MTREX: variants seen among roughly 807,000 people sequenced by gnomAD.
MTREX encodes the protein Mtr4 exosome RNA helicase.
A neutral mutation model predicts 135.4 loss-of-function variants in MTREX; 76 were observed. The ratio of observed to expected loss-of-function variants is 0.56; its 90% CI spans 0.47 to 0.68. The LOEUF is 0.68. MTREX is among the 30% of genes least tolerant of loss of function. The pLI is 0.00. For missense variants in MTREX, 920 were observed against 1,262.1 expected (o/e 0.73, Z 4.11); for synonymous variants, 404 against 401.6 (o/e 1.01, Z -0.07).
At chr5:55,324,378 C>A in intron 3 of MTREX, 180 bp downstream of exon 3, 1 of 351,724 alleles carries the variant, frequency 2.8e-6, no homozygotes. Flanking sequence ...AGATCCTCCC[C>A]CAGCATTTTT....
intron 1 of MTREX, among the ~76,000 whole-genome samples, chr5:55,308,560 G>A (rs971736516): frequency 1.8e-4 from 27 of 152,274 alleles, no homozygotes; most frequent in African/African-American, 6.5e-4. Flanking sequence ...AGAAGGGAGA[G>A]ACATTTAATC....
intron 1 of MTREX, among the ~76,000 whole-genome samples, chr5:55,315,071 C>T (rs747294016): frequency 1.3e-5 from 2 of 152,186 alleles, no homozygotes; most frequent in Non-Finnish European, 2.9e-5. Flanking sequence ...TAATCTGTTA[C>T]AGCAGCAATA....
At chr5:55,308,861 A>C (rs1749039603) in intron 1 of MTREX, among the ~76,000 whole-genome samples, 2 of 152,222 alleles carry the variant, frequency 1.3e-5, no homozygotes, top group South Asian at 4.1e-4. Flanking sequence ...ATTAATTAAC[A>C]ATCAACAAAA....
chr5:55,413,201 T>C (rs1291954487), intron 23 of MTREX, among the ~76,000 whole-genome samples: 1 of 151,818 alleles, frequency 6.6e-6, no homozygotes, highest in African/African-American at 2.4e-5. Context: ...TAGCTGGGCG[T>C]GGTGGCACTC....
chr5:55,400,251 C>G lies in MTREX; in HGVS notation c.2311C>G (p.Pro771Ala). 6.4e-7 allele frequency: 1 copy of G among 1,562,600 alleles called. No individual in the cohort carries two copies. Among genetic ancestry groups the G allele is most frequent in the Non-Finnish European group, 8.7e-7 (1 of 1,154,688 alleles). Residue 771 changes from proline to alanine, a missense_variant, in exon 21 of 27, where the codon CCT becomes GCT. Around this residue, in one of 6 missense-constraint regions of MTREX, gnomAD observed 467 missense variants for 589.7 expected, o/e 0.79. Transcript: ENST00000230640. ...KSIQEVQKRF[P>A]DGIPLLDPID... Reference sequence around the variant, plus strand: ...TTTTCAGGAAGTTCAGAAACGTTTTCCTGACGGCATCCCCTTATTAGACCC... The same window carrying G: ...TTTTCAGGAAGTTCAGAAACGTTTTGCTGACGGCATCCCCTTATTAGACCC...
chr5:55,396,748 G>T (rs1331285819), intron 19 of MTREX, among the ~76,000 whole-genome samples: 1 of 152,204 alleles, frequency 6.6e-6, no homozygotes, highest in East Asian at 1.9e-4. Flanking sequence ...CAGCAAGCCA[G>T]TGAAAATTGT....
At chr5:55,377,433 T>G (rs1750324112) in intron 16 of MTREX, among the ~76,000 whole-genome samples, 2 of 152,228 alleles carry the variant, frequency 1.3e-5, no homozygotes, top group African/African-American at 2.4e-5. Flanking sequence ...AGTTATATCC[T>G]AGTTCAATTA....
intron 25 of MTREX, among the ~76,000 whole-genome samples, chr5:55,422,281 A>G (rs1751067087): frequency 6.6e-6 from 1 of 152,214 alleles, no homozygotes; most frequent in African/African-American, 2.4e-5. Flanking sequence ...CCATGGGAAA[A>G]GGCTTCTTTC....
In MTREX at chr5:55,375,957, T is replaced by C. The variant is rs866753350; in HGVS notation, c.1811-2357T>C. On this transcript the variant is annotated intron_variant, in intron 16 of 26. Transcript: ENST00000230640. ...AATGTGCCATGGCGATGAAGCCTTG[T>C]TCGTTCTCTCGATTTTGACACAGGA... 5.3e-5 allele frequency among the ~76,000 whole-genome samples: 8 copies of C among 152,214 alleles called. No homozygotes were observed. In the South Asian group the frequency reaches 1.7e-3, roughly 32 times the overall value.
At chr5:55,328,263 A>T (rs1437087833) in intron 4 of MTREX, among the ~76,000 whole-genome samples, 1 of 152,184 alleles carries the variant, frequency 6.6e-6, no homozygotes, top group East Asian at 1.9e-4. Context: ...AATAGATGTA[A>T]TATTCTGCCT....
intron 7 of MTREX, among the ~76,000 whole-genome samples, chr5:55,343,123 T>A (rs1749678100): frequency 6.6e-6 from 1 of 152,208 alleles, no homozygotes; most frequent in Non-Finnish European, 1.5e-5. Flanking sequence ...TCAGAGTACA[T>A]TGTATTTATA....
chr5:55,412,322 A>G (rs1750895529), intron 23 of MTREX, among the ~76,000 whole-genome samples: 1 of 152,174 alleles, frequency 6.6e-6, no homozygotes, highest in Non-Finnish European at 1.5e-5. Context: ...TATTTATAAA[A>G]CTGTCTCTAC....
Position 55,425,433 on chromosome 5 carries a change from A to C in MTREX, c.*661A>C. The C allele has an allele frequency of 8.6e-7, 1 of 1,156,450 alleles. No homozygotes were observed. The highest frequency in any genetic ancestry group is 1.2e-6 in the Non-Finnish European group (1 of 822,654). 71.6% of individuals were successfully genotyped at this position (1,156,450 alleles called of 1,614,324 possible). A position where few individuals can be genotyped will look rare whatever the true frequency, so the allele number is the denominator to read the frequency against. ...TCCTAAGATAAATATAAACAAAAGG[A>C]TATACTTTGAGGTGTACAGATTAAG... On this transcript the variant is annotated 3_prime_UTR_variant, in exon 27 of 27. Coordinates refer to ENST00000230640, the MANE Select transcript of MTREX (RefSeq NM_015360.5).
chr5:55,367,997 GT>G (rs1750132318), intron 16 of MTREX, among the ~76,000 whole-genome samples: 1 of 152,150 alleles, frequency 6.6e-6, no homozygotes, highest in African/African-American at 2.4e-5. Flanking sequence ...TCACGAATAA[GT>G]TTGCTTTTTA....
In MTREX at chr5:55,308,075, C is replaced by T; in HGVS notation, c.62C>T (p.Ala21Val). 1 of 1,613,464 alleles carries T rather than the reference C, an allele frequency of 6.2e-7. No individual in the cohort carries two copies. Among genetic ancestry groups the T allele is most frequent in the Non-Finnish European group, 8.5e-7 (1 of 1,179,828 alleles). The change falls in exon 1 of 27, where the codon GCG becomes GTG. Residue 21 changes from alanine to valine, a missense_variant. Physicochemically the swap from Ala to Val is moderately conservative, Grantham distance 64 (BLOSUM62 0). Transcript: ENST00000230640. ...SVFEGDSTTA[A>V]GTKKDKEKDK... Reference sequence around the variant, plus strand: ...TTCGAGGGCGACTCGACCACTGCGGCGGGAACCAAAAAAGACAAGGAAAAG... The same window carrying T: ...TTCGAGGGCGACTCGACCACTGCGGTGGGAACCAAAAAAGACAAGGAAAAG...
chr5:55,376,757 G>A (rs1384441556), intron 16 of MTREX, among the ~76,000 whole-genome samples: 1 of 152,190 alleles, frequency 6.6e-6, no homozygotes, highest in Non-Finnish European at 1.5e-5. Context: ...TTAAAAAGAA[G>A]GGAGGGTATT....
chr5:55,322,521 G>A, intron 2 of MTREX, 57 bp downstream of exon 2: 1 of 1,377,958 alleles, frequency 7.3e-7, no homozygotes, highest in South Asian at 1.6e-5. Context: ...GTTACATGAG[G>A]TTTTAAAAAT....
intron 18 of MTREX, among the ~76,000 whole-genome samples, chr5:55,384,974 A>T (rs1394716276): frequency 6.6e-6 from 1 of 152,216 alleles, no homozygotes; most frequent in Non-Finnish European, 1.5e-5. Context: ...ATGAATACAG[A>T]TCTACCAGTT....
At chr5:55,391,014 T>C (rs1320183767) in intron 19 of MTREX, among the ~76,000 whole-genome samples, 3 of 152,232 alleles carry the variant, frequency 2.0e-5, no homozygotes, top group Non-Finnish European at 4.4e-5. Context: ...TATTTTTCTC[T>C]GTGTATAGGT....
Sources: allele counts gnomAD v4.1 joint callset (sites outside exome capture counted in the v4.1 genomes callset), GRCh38; gene constraint gnomAD v4.1.1; regional missense constraint gnomAD v4.1.1; transcripts MANE v1.5; gene names NCBI Gene and HGNC (gene_info 2026-07-23, HGNC 2026-07-21).